UBE3A: variants seen among roughly 807,000 people sequenced by gnomAD.
UBE3A encodes the protein ubiquitin protein ligase E3A, also known as ubiquitin-protein ligase E3A.
In UBE3A, 6 loss-of-function variants were observed where a neutral mutation model predicts 83.4. The ratio of observed to expected loss-of-function variants is 0.07; its 90% CI spans 0.04 to 0.14. The LOEUF is 0.14. Ranked by LOEUF, UBE3A falls within the 10% of genes least tolerant of loss-of-function variation. UBE3A has a pLI of 1.00. For missense variants in UBE3A, 456 were observed against 1,036.1 expected (o/e 0.44, Z 7.69); for synonymous variants, 337 against 355.4 (o/e 0.95, Z 0.58).
chr15:25,380,710 GCTTA>G (rs1237255351), intron 4 of UBE3A, among the ~76,000 whole-genome samples: 1 of 152,064 alleles, frequency 6.6e-6, no homozygotes, highest in Non-Finnish European at 1.5e-5. Flanking sequence ...AGGAACAACA[GCTTA>G]CTTGCTATAA....
At chr15:25,425,656 G>T (rs1248995867) in intron 1 of UBE3A, among the ~76,000 whole-genome samples, 1 of 151,652 alleles carries the variant, frequency 6.6e-6, no homozygotes, top group Non-Finnish European at 1.5e-5. Flanking sequence ...TTTTAGAATT[G>T]GCTATGAAGC....
chr15:25,412,618 G>A (rs2090196960), intron 1 of UBE3A, among the ~76,000 whole-genome samples: 1 of 152,006 alleles, frequency 6.6e-6, no homozygotes, highest in African/African-American at 2.4e-5. Flanking sequence ...AATTATCACT[G>A]TAAATTCTTA....
At chr15:25,345,458 T>C (rs2075520705) in intron 11 of UBE3A, among the ~76,000 whole-genome samples, 1 of 152,132 alleles carries the variant, frequency 6.6e-6, no homozygotes, top group Non-Finnish European at 1.5e-5. Flanking sequence ...CACAAGGGCA[T>C]ATTTTTGACC....
At chr15:25,434,715 G>A (rs1235486986) in intron 1 of UBE3A, among the ~76,000 whole-genome samples, 1 of 152,162 alleles carries the variant, frequency 6.6e-6, no homozygotes, top group Non-Finnish European at 1.5e-5. Flanking sequence ...GTGCCAATGT[G>A]TGCAGAGTCC....
chr15:25,434,735 G>C (rs1894494297), intron 1 of UBE3A, among the ~76,000 whole-genome samples: 1 of 152,134 alleles, frequency 6.6e-6, no homozygotes, highest in Non-Finnish European at 1.5e-5. Flanking sequence ...CTGAACTAGA[G>C]ACATGGACTC....
At chr15:25,430,588 A>G (rs956471489) in intron 1 of UBE3A, among the ~76,000 whole-genome samples, 1 of 151,752 alleles carries the variant, frequency 6.6e-6, no homozygotes, top group African/African-American at 2.4e-5. Context: ...TCTGCCTATC[A>G]CTATTTAAAA....
At chr15:25,421,284 C>T (rs1187214390) in intron 1 of UBE3A, among the ~76,000 whole-genome samples, 2 of 152,208 alleles carry the variant, frequency 1.3e-5, no homozygotes, top group Non-Finnish European at 2.9e-5. Context: ...GTAAACTCAC[C>T]ATGAGGGCTC....
chr15:25,338,427 A>ATGAGT lies in UBE3A; in HGVS notation c.*705_*709dup, dbSNP rs2152503875. The ATGAGT allele has an allele frequency of 6.6e-6, 1 of 152,254 alleles. No individual in the cohort carries two copies. Among genetic ancestry groups the ATGAGT allele is most frequent in the East Asian group, 1.9e-4 (1 of 5,174 alleles). The allele number at this position is 152,254 out of a possible 1,614,324, so 9.4% of individuals were successfully genotyped here. ...ACACATGAAGACGACATACTGTGGCATGAGTTGTTTTTGTTTTTAATTTGT... is the reference window on the plus strand; with the variant it reads ...ACACATGAAGACGACATACTGTGGCATGAGTTGAGTTGTTTTTGTTTTTAATTTGT... On this transcript the variant is annotated 3_prime_UTR_variant, in exon 13 of 13. Coordinates refer to ENST00000648336, the MANE Select transcript of UBE3A (RefSeq NM_130839.5).
chr15:25,432,737 A>C (rs1893841422), intron 1 of UBE3A, among the ~76,000 whole-genome samples: 1 of 152,218 alleles, frequency 6.6e-6, no homozygotes, highest in African/African-American at 2.4e-5. Flanking sequence ...TAGACTCTAC[A>C]CTGTCCAGCC....
chr15:25,401,813 T>C (rs8028644), intron 4 of UBE3A, among the ~76,000 whole-genome samples: 18,117 of 152,176 alleles, frequency 0.12, 1,151 homozygotes, highest in Middle Eastern at 0.23. Context: ...TCAGATTCTT[T>C]TGTCTGCTTG....
chr15:25,413,281 T>C (rs538996558), intron 1 of UBE3A, among the ~76,000 whole-genome samples: 1 of 152,174 alleles, frequency 6.6e-6, no homozygotes. Context: ...TTGATCTATA[T>C]CTACCTCCCT....
chr15:25,412,680 T>A (rs996741138), intron 1 of UBE3A, among the ~76,000 whole-genome samples: 2 of 152,176 alleles, frequency 1.3e-5, no homozygotes, highest in Non-Finnish European at 2.9e-5. Context: ...AATAAAGTCC[T>A]TTCATGTACT....
At chr15:25,435,415 G>A (rs1293568030) in intron 1 of UBE3A, among the ~76,000 whole-genome samples, 4 of 152,094 alleles carry the variant, frequency 2.6e-5, no homozygotes, top group Admixed American at 6.6e-5. Context: ...ACCAATTCAT[G>A]CCTGCTCTAG....
chr15:25,376,241 C>A (rs1455773648), intron 4 of UBE3A, among the ~76,000 whole-genome samples: 1 of 152,150 alleles, frequency 6.6e-6, no homozygotes, highest in East Asian at 1.9e-4. Context: ...ATAGTTAACA[C>A]AGAATATCTA....
intron 4 of UBE3A, among the ~76,000 whole-genome samples, chr15:25,398,322 G>A (rs1277913727): frequency 6.6e-6 from 1 of 152,010 alleles, no homozygotes; most frequent in African/African-American, 2.4e-5. Flanking sequence ...TTTTATGGCA[G>A]AACATTTAAA....
At chr15:25,341,783 C>CAAAAAAAAAAAAAAAAAAAAAAACAAA (rs60827150) in intron 11 of UBE3A, among the ~76,000 whole-genome samples, 1 of 81,650 alleles carries the variant, frequency 1.2e-5, no homozygotes, top group Non-Finnish European at 2.6e-5. Context: ...AATTTCATCT[C>CAAAAAAAAAAAAAAAAAAAAAAACAAA]AAAAAAAAAA....
intron 4 of UBE3A, among the ~76,000 whole-genome samples, chr15:25,397,210 T>G (rs563833091): frequency 0.11 from 1,350 of 12,748 alleles, 21 homozygotes; most frequent in Admixed American, 0.19. Context: ...GGCTAGAAAC[T>G]TAAAACAGCT....
At chr15:25,386,506 G>A (rs2083164613) in intron 4 of UBE3A, among the ~76,000 whole-genome samples, 9 of 152,174 alleles carry the variant, frequency 5.9e-5, no homozygotes, top group Admixed American at 5.9e-4. Context: ...AAAAGGAAGT[G>A]CTAGAGATAA....
chr15:25,408,681 CT>C (rs2089279635), intron 3 of UBE3A: 2 of 1,611,948 alleles, frequency 1.2e-6, no homozygotes, highest in Admixed American at 3.3e-5. Flanking sequence ...TCCACTGTAA[CT>C]CTCTAGGAGA....
Sources: gnomAD v4.1 joint callset for allele counts (sites outside exome capture counted in the v4.1 genomes callset) on GRCh38, gnomAD v4.1.1 for gene constraint, MANE v1.5 for transcripts, NCBI Gene and HGNC (gene_info 2026-07-23, HGNC 2026-07-21) for gene names.